LYPD6B: variants seen among roughly 807,000 people sequenced by gnomAD.
LYPD6B encodes the protein LY6/PLAUR domain containing 6B, also known as ly6/PLAUR domain-containing protein 6B.
A neutral mutation model predicts 22.8 loss-of-function variants in LYPD6B; 17 were observed. That is an observed-to-expected ratio of 0.75 (90% CI 0.51 to 1.12). The LOEUF (loss-of-function observed/expected upper bound fraction) is 1.12. Among genes scored for constraint, LYPD6B ranks in the 50% most tolerant of loss-of-function variants. The probability of loss-of-function intolerance (pLI) is 0.00; values close to 1 mark genes in which losing one functional copy is unlikely to be tolerated. For missense variants in LYPD6B, 221 were observed against 258.3 expected (o/e 0.86, Z 0.99); for synonymous variants, 106 against 91.6 (o/e 1.16, Z -0.90).
At chr2:149,081,512 T>C (rs1685132910) in intron 1 of LYPD6B, among the ~76,000 whole-genome samples, 1 of 152,210 alleles carries the variant, frequency 6.6e-6, no homozygotes, top group Non-Finnish European at 1.5e-5. Context: ...TGAGCCTGCT[T>C]GGGTACAGCC....
intron 1 of LYPD6B, among the ~76,000 whole-genome samples, chr2:149,117,163 T>C (rs16826568): frequency 0.016 from 2,386 of 152,230 alleles, 35 homozygotes; most frequent in African/African-American, 0.033. Context: ...ATTTTCCTCA[T>C]TTGTTATTAG....
rs191500186 is a variant in LYPD6B, at chr2:149,154,299, A to G, written c.6-6465A>G. On this transcript the variant is annotated intron_variant, in intron 2 of 6. Coordinates refer to ENST00000409642, the MANE Select transcript of LYPD6B (RefSeq NM_177964.5). ...GGGGAAGGGCATGTGAAGAAAAGGC[A>G]GAGATTGGAGTTATGCAGCCAAAGC... Among the ~76,000 whole-genome samples, 3 of 152,196 alleles carry G rather than the reference A, an allele frequency of 2.0e-5. No individual in the cohort carries two copies. The East Asian group carries it at 5.8e-4, about 30-fold the overall frequency.
chr2:149,146,699 C>T (rs1394912250), intron 2 of LYPD6B, among the ~76,000 whole-genome samples: 1 of 151,718 alleles, frequency 6.6e-6, no homozygotes, highest in Non-Finnish European at 1.5e-5. Flanking sequence ...TTGGGGGCCA[C>T]TCCTCAGAGA....
intron 1 of LYPD6B, among the ~76,000 whole-genome samples, chr2:149,094,942 A>C (rs1685835491): frequency 6.6e-6 from 1 of 152,292 alleles, no homozygotes; most frequent in East Asian, 1.9e-4. Context: ...GGAATTTTTA[A>C]TGTTTAAGAA....
intron 3 of LYPD6B, among the ~76,000 whole-genome samples, chr2:149,186,664 G>A (rs1383588426): frequency 1.3e-5 from 2 of 152,148 alleles, no homozygotes; most frequent in Non-Finnish European, 2.9e-5. Flanking sequence ...GAGTGCAGTG[G>A]TGTGATCATG....
chr2:149,197,484 C>A (rs1692887033), intron 3 of LYPD6B, among the ~76,000 whole-genome samples: 1 of 152,148 alleles, frequency 6.6e-6, no homozygotes, highest in Admixed American at 6.5e-5. Context: ...TGCACTCAAG[C>A]CTGATGATAG....
At chr2:149,122,580 C>T (rs1302600056) in intron 1 of LYPD6B, among the ~76,000 whole-genome samples, 1 of 136,230 alleles carries the variant, frequency 7.3e-6, no homozygotes, top group Non-Finnish European at 1.6e-5. Context: ...TCCCCCCACC[C>T]CATGACAGGC....
At position 149,198,088 on chromosome 2, in the gene LYPD6B, G is replaced by A. The variant is rs145923196; in HGVS notation, c.78-7165G>A. On this transcript the variant is annotated intron_variant, in intron 3 of 6. Coordinates refer to ENST00000409642, the MANE Select transcript of LYPD6B (RefSeq NM_177964.5). ...GACAGAGTCTCGCTCTGTCACCCAG[G>A]CTAGAGTGCAGTGGCATGACCTCGG... Among the ~76,000 whole-genome samples the A allele has an allele frequency of 9.5e-4, 144 of 151,490 alleles. No homozygotes were observed. In the East Asian group the frequency reaches 0.019, roughly 20 times the overall value.
chr2:149,099,510 A>G lies in LYPD6B; in HGVS notation c.-66-31373A>G, dbSNP rs371106751. 6.0e-5 allele frequency among the ~76,000 whole-genome samples: 8 copies of G among 132,822 alleles called. No individual in the cohort carries two copies. In the South Asian group the frequency reaches 1.0e-3, roughly 17 times the overall value. 87.1% of individuals were successfully genotyped at this position (132,822 alleles called of 152,430 possible). A position where few individuals can be genotyped will look rare whatever the true frequency, so the allele number is the denominator to read the frequency against. On this transcript the variant is annotated intron_variant, in intron 1 of 6. Coordinates refer to ENST00000409642, the MANE Select transcript of LYPD6B (RefSeq NM_177964.5). ...GTCACAGCAGGGCCAGCAGGAGGCA[A>G]TCCGTGTTCTGAGATCCTCATGCCT...
At chr2:149,078,970 G>A (rs548589421) in intron 1 of LYPD6B, among the ~76,000 whole-genome samples, 2 of 151,136 alleles carry the variant, frequency 1.3e-5, no homozygotes, top group South Asian at 2.1e-4. Flanking sequence ...TCATGCCACT[G>A]CACTCCAGCC....
rs778203922 is a variant in LYPD6B at position 149,205,358 on chromosome 2, A to G, written c.183A>G (p.Ala61=). The part of the protein sequence containing the change: ...VQIVIFSESW[A]FAKNINFYNV... ...TCGTTATCTTCTCAGAAAGCTGGGCATTTGCCAAGAACATCAACTTCTATA... is the reference window on the plus strand; with the variant it reads ...TCGTTATCTTCTCAGAAAGCTGGGCGTTTGCCAAGAACATCAACTTCTATA... Residue 61 remains alanine, a synonymous_variant, in exon 4 of 7, where the codon GCA becomes GCG. Transcript: ENST00000409642. 7.4e-6 allele frequency: 12 copies of G among 1,613,878 alleles called. No homozygotes were observed. The highest frequency in any genetic ancestry group is 1.0e-5 in the Non-Finnish European group (12 of 1,179,866).
At chr2:149,140,283 G>A (rs1363113429) in intron 2 of LYPD6B, among the ~76,000 whole-genome samples, 1 of 152,158 alleles carries the variant, frequency 6.6e-6, no homozygotes, top group Non-Finnish European at 1.5e-5. Context: ...GGCAACGAGC[G>A]AGCTTGTGGT....
intron 3 of LYPD6B, among the ~76,000 whole-genome samples, chr2:149,169,176 G>A (rs2105920666): frequency 6.6e-6 from 1 of 152,082 alleles, no homozygotes; most frequent in East Asian, 1.9e-4. Flanking sequence ...CCCGCTCTTG[G>A]GGGTCTAGGT....
At position 149,047,635 on chromosome 2, in the gene LYPD6B, A is replaced by G. The variant is rs570567359; in HGVS notation, c.-67+8834A>G. Among the ~76,000 whole-genome samples, 11 of 151,962 alleles carry G rather than the reference A, an allele frequency of 7.2e-5. No individual in the cohort carries two copies. The South Asian group carries it at 2.3e-3, about 32-fold the overall frequency. ...ATATTTATCATACCTGATGTTCTTG[A>G]GCTCCTTGGATCTGTGATTTGGTAT... On this transcript the variant is annotated intron_variant, in intron 1 of 6. Coordinates refer to ENST00000409642, the MANE Select transcript of LYPD6B (RefSeq NM_177964.5).
At chr2:149,159,220 G>T (rs1575085393) in intron 2 of LYPD6B, among the ~76,000 whole-genome samples, 1 of 151,142 alleles carries the variant, frequency 6.6e-6, no homozygotes, top group Non-Finnish European at 1.5e-5. Flanking sequence ...GGATGATAAA[G>T]GATCCTTTGA....
chr2:149,214,903 G>C lies in LYPD6B; in HGVS notation c.*193G>C. ...GCCACAGGACTGAGGATGGGAATTT[G>C]GCAGGGCCTGAGAAGATGGTCTGAC... On this transcript the variant is annotated 3_prime_UTR_variant, in exon 7 of 7. Transcript: ENST00000409642. 1.6e-6 allele frequency: 1 copy of C among 617,726 alleles called. No individual in the cohort carries two copies. Among genetic ancestry groups the C allele is most frequent in the Non-Finnish European group, 2.8e-6 (1 of 352,958 alleles). 38.3% of individuals were successfully genotyped at this position (617,726 alleles called of 1,614,324 possible).
chr2:149,135,012 A>C (rs1688268658), intron 2 of LYPD6B, among the ~76,000 whole-genome samples: 1 of 152,238 alleles, frequency 6.6e-6, no homozygotes, highest in South Asian at 2.1e-4. Context: ...TGGGAGGCTG[A>C]GGCAGGTGGA....
At chr2:149,175,124 A>G (rs1211536657) in intron 3 of LYPD6B, among the ~76,000 whole-genome samples, 1 of 150,204 alleles carries the variant, frequency 6.7e-6, no homozygotes, top group Non-Finnish European at 1.5e-5. Flanking sequence ...ATATTCTGAT[A>G]AATGCATCAT....
intron 2 of LYPD6B, among the ~76,000 whole-genome samples, chr2:149,146,962 T>C (rs1394964806): frequency 6.6e-6 from 1 of 152,196 alleles, no homozygotes; most frequent in Non-Finnish European, 1.5e-5. Context: ...TAGAATTGAA[T>C]CACGAATACG....
Sources: allele counts gnomAD v4.1 joint callset (sites outside exome capture counted in the v4.1 genomes callset), GRCh38; gene constraint gnomAD v4.1.1; transcripts MANE v1.5; gene names NCBI Gene and HGNC (gene_info 2026-07-23, HGNC 2026-07-21).